VSTM4: variants seen among roughly 807,000 people sequenced by gnomAD.
The protein encoded by VSTM4 is V-set and transmembrane domain containing 4, also known as V-set and transmembrane domain-containing protein 4.
VSTM4 carries 20 observed loss-of-function variants against 36.4 expected under a neutral mutation model. The ratio of observed to expected loss-of-function variants is 0.55; its 90% confidence interval spans 0.39 to 0.80. The LOEUF is 0.80. Ranked by LOEUF, VSTM4 falls within the 30% of genes least tolerant of loss-of-function variation. The pLI is 0.00. For missense variants in VSTM4, 392 were observed against 404.5 expected (o/e 0.97, Z 0.26); for synonymous variants, 182 against 173.9 (o/e 1.05, Z -0.37).
At chr10:49,069,331 T>C (rs1844031902) in intron 4 of VSTM4, among the ~76,000 whole-genome samples, 1 of 152,230 alleles carries the variant, frequency 6.6e-6, no homozygotes, top group Admixed American at 6.5e-5. Flanking sequence ...CCATGGATGT[T>C]TCTGCTGTAT....
chr10:49,107,084 T>G (rs748031002), intron 2 of VSTM4, among the ~76,000 whole-genome samples: 1 of 152,288 alleles, frequency 6.6e-6, no homozygotes, highest in Non-Finnish European at 1.5e-5. Context: ...CCCTACTGCT[T>G]TTTGCAATTT....
intron 3 of VSTM4, among the ~76,000 whole-genome samples, chr10:49,083,010 A>T (rs570988385): frequency 6.6e-6 from 1 of 152,224 alleles, no homozygotes; most frequent in African/African-American, 2.4e-5. Flanking sequence ...TTGCCCAGCA[A>T]CCCTGATCCC....
intron 7 of VSTM4, among the ~76,000 whole-genome samples, chr10:49,031,246 G>A (rs2131940578): frequency 6.6e-6 from 1 of 152,298 alleles, no homozygotes; most frequent in African/African-American, 2.4e-5. Flanking sequence ...TCAGAGACAG[G>A]AAGACTGCCA....
At chr10:49,053,004 G>A (rs1313727562) in intron 5 of VSTM4, among the ~76,000 whole-genome samples, 1 of 152,134 alleles carries the variant, frequency 6.6e-6, no homozygotes, top group Non-Finnish European at 1.5e-5. Context: ...AGGACTGGTC[G>A]GAATATTTGG....
At chr10:49,067,082 G>T (rs1233129324) in intron 4 of VSTM4, among the ~76,000 whole-genome samples, 1 of 152,124 alleles carries the variant, frequency 6.6e-6, no homozygotes, top group Non-Finnish European at 1.5e-5. Flanking sequence ...TTAAATTCAA[G>T]ACATTTAGAT....
At chr10:49,065,400 C>G (rs1363354643) in intron 4 of VSTM4, among the ~76,000 whole-genome samples, 1 of 152,198 alleles carries the variant, frequency 6.6e-6, no homozygotes, top group Non-Finnish European at 1.5e-5. Context: ...ATCACACCTC[C>G]TTGTATGTGT....
rs965665590 is a variant in VSTM4, at chr10:49,037,439, T to G, written c.837+9544A>C. Among the ~76,000 whole-genome samples the G allele has an allele frequency of 2.0e-5, 3 of 152,198 alleles. No homozygotes were observed. The South Asian group carries it at 6.2e-4, about 32-fold the overall frequency. On this transcript the variant is annotated intron_variant, in intron 7 of 7. Transcript: ENST00000332853. Reference sequence around the variant, plus strand: ...AGTGCCTGGCCTTCTGGCCCACAATTGGAGCAGGGAGGACTCAGACTAAGT... The same window carrying G: ...AGTGCCTGGCCTTCTGGCCCACAATGGGAGCAGGGAGGACTCAGACTAAGT...
chr10:49,032,238 T>C (rs1233181441), intron 7 of VSTM4, among the ~76,000 whole-genome samples: 1 of 152,224 alleles, frequency 6.6e-6, no homozygotes, highest in Non-Finnish European at 1.5e-5. Context: ...ATTCGACATG[T>C]GCAGAGATGA....
intron 4 of VSTM4, among the ~76,000 whole-genome samples, chr10:49,074,502 C>T (rs1490309051): frequency 2.0e-5 from 3 of 152,178 alleles, no homozygotes; most frequent in East Asian, 1.9e-4. Flanking sequence ...CCCACGTGAA[C>T]GGTCTGCTCC....
chr10:49,060,983 GATTT>G (rs371776472), intron 5 of VSTM4, among the ~76,000 whole-genome samples: 49 of 152,202 alleles, frequency 3.2e-4, no homozygotes, highest in African/African-American at 1.2e-3. Context: ...TAAATATAAG[GATTT>G]ATTTCTGGAC....
chr10:49,018,417 A>C lies in VSTM4; in HGVS notation c.*1233T>G, dbSNP rs965798300. ...GAAATTTAGCCAAGTTCACACAGCTATATAGAGGGCACAACTCATACCCCA... is the reference window on the plus strand; with the variant it reads ...GAAATTTAGCCAAGTTCACACAGCTCTATAGAGGGCACAACTCATACCCCA... On this transcript the variant is annotated 3_prime_UTR_variant, in exon 8 of 8. Transcript: ENST00000332853. The C allele has an allele frequency of 1.3e-5, 2 of 152,228 alleles. No homozygotes were observed. The highest frequency in any genetic ancestry group is 4.8e-5 in the African/African-American group (2 of 41,462). 9.4% of individuals were successfully genotyped at this position (152,228 alleles called of 1,614,324 possible).
intron 1 of VSTM4, 121 bp from the exon 2 acceptor site, chr10:49,108,116 C>A: frequency 7.4e-7 from 1 of 1,360,376 alleles, no homozygotes; most frequent in Non-Finnish European, 9.7e-7. Context: ...TCTGCCTGGC[C>A]AGAGAAGCAG....
chr10:49,026,542 A>G (rs1843264830), intron 7 of VSTM4, among the ~76,000 whole-genome samples: 1 of 152,224 alleles, frequency 6.6e-6, no homozygotes. Context: ...TTGGGAAGTC[A>G]CACTCCCAGG....
intron 2 of VSTM4, among the ~76,000 whole-genome samples, chr10:49,098,511 C>A (rs1433602116): frequency 6.6e-6 from 1 of 152,154 alleles, no homozygotes; most frequent in African/African-American, 2.4e-5. Flanking sequence ...TACAAAAGAC[C>A]CCACTTCCTC....
chr10:49,090,881 C>A (rs1449327005), intron 2 of VSTM4, among the ~76,000 whole-genome samples: 1 of 152,118 alleles, frequency 6.6e-6, no homozygotes, highest in Non-Finnish European at 1.5e-5. Flanking sequence ...CCTGTGACCA[C>A]TCCTGCACAC....
rs1175304578 is a variant in VSTM4 at position 49,019,556 on chromosome 10, T to G, written c.*94A>C. On this transcript the variant is annotated 3_prime_UTR_variant, in exon 8 of 8. Coordinates refer to ENST00000332853, the MANE Select transcript of VSTM4 (RefSeq NM_001031746.5). The stretch of plus-strand genomic sequence containing the variant: ...GGGGCTCCCCACCACTCAGAAGGCA[T>G]GAGTGAAAATACAGACATAAGGGCT... The G allele has an allele frequency of 5.6e-5, 81 of 1,453,558 alleles. No homozygotes were observed. Among genetic ancestry groups the G allele is most frequent in the Non-Finnish European group, 7.4e-5 (81 of 1,099,056 alleles). 90.0% of individuals were successfully genotyped at this position (1,453,558 alleles called of 1,614,324 possible).
At chr10:49,038,970 C>T (rs1282749712) in intron 7 of VSTM4, among the ~76,000 whole-genome samples, 2 of 152,108 alleles carry the variant, frequency 1.3e-5, no homozygotes, top group South Asian at 2.1e-4. Flanking sequence ...AGGGCCCAGG[C>T]CTCTCAGGAC....
intron 4 of VSTM4, among the ~76,000 whole-genome samples, chr10:49,067,309 A>C (rs1843990910): frequency 6.6e-6 from 1 of 152,256 alleles, no homozygotes; most frequent in Non-Finnish European, 1.5e-5. Context: ...TAGCCTTGTC[A>C]TTACTTTTAT....
chr10:49,017,384 G>A lies in VSTM4; in HGVS notation c.*2266C>T, dbSNP rs1477045808. 2.0e-5 allele frequency: 3 copies of A among 152,248 alleles called. No individual in the cohort carries two copies. The highest frequency in any genetic ancestry group is 4.4e-5 in the Non-Finnish European group (3 of 68,070). 9.4% of individuals were successfully genotyped at this position (152,248 alleles called of 1,614,324 possible). ...CCCCTGGGCAGCATTTTCAGTAGGA[G>A]GAGATAATCTGCAGGTTCCCATTCA... is the stretch of plus-strand genomic sequence containing the variant. On this transcript the variant is annotated 3_prime_UTR_variant, in exon 8 of 8. Coordinates refer to ENST00000332853, the MANE Select transcript of VSTM4 (RefSeq NM_001031746.5).
Sources: allele counts gnomAD v4.1 joint callset (sites outside exome capture counted in the v4.1 genomes callset), GRCh38; gene constraint gnomAD v4.1.1; transcripts MANE v1.5; gene names NCBI Gene and HGNC (gene_info 2026-07-23, HGNC 2026-07-21).